TMEM232: variants seen among roughly 807,000 people sequenced by gnomAD.
TMEM232 encodes transmembrane protein 232.
TMEM232 carries 80 observed loss-of-function variants against 78.8 expected under a neutral mutation model. The observed-to-expected ratio is 1.01, with a 90% confidence interval of 0.85 to 1.22. The LOEUF is 1.22. Among genes scored for constraint, TMEM232 ranks in the 50% most tolerant of loss-of-function variants. TMEM232 has a pLI of 0.00. For synonymous variants in TMEM232, 297 were observed against 254.3 expected (o/e 1.17, Z -1.60); for missense variants, 881 against 742.2 (o/e 1.19, Z -2.17).
chr5:110,460,474 T>G (rs180897244), intron 12 of TMEM232, among the ~76,000 whole-genome samples: 1 of 152,244 alleles, frequency 6.6e-6, no homozygotes, highest in Admixed American at 6.5e-5. Flanking sequence ...TCAAAAATAT[T>G]TGCATTAAGA....
In TMEM232 at chr5:110,419,960, AC is replaced by A. The variant is rs1756475244; in HGVS notation, c.*619del. On this transcript the variant is annotated 3_prime_UTR_variant, in exon 14 of 14. Coordinates refer to ENST00000455884, the MANE Select transcript of TMEM232 (RefSeq NM_001039763.4). ...GAATTCATTCTCATAAACTCACAGA[AC>A]AGAGTAAAACCACCATCTCTCAGGA... 6.6e-6 allele frequency: 1 copy of A among 152,146 alleles called. No individual in the cohort carries two copies. The highest frequency in any genetic ancestry group is 1.5e-5 in the Non-Finnish European group (1 of 68,034). The allele number at this position is 152,146 out of a possible 1,614,324, so 9.4% of individuals were successfully genotyped here. A position where few individuals can be genotyped will look rare whatever the true frequency, so the allele number is the denominator to read the frequency against.
At chr5:110,622,805 A>C (rs969053453) in intron 7 of TMEM232, among the ~76,000 whole-genome samples, 1 of 146,268 alleles carries the variant, frequency 6.8e-6, no homozygotes, top group Admixed American at 6.8e-5. Flanking sequence ...GAACACATGG[A>C]CACAGGAAGG....
At chr5:110,612,247 T>G (rs78623245) in intron 8 of TMEM232, among the ~76,000 whole-genome samples, 8,082 of 152,240 alleles carry the variant, frequency 0.053, 345 homozygotes, top group African/African-American at 0.12. Context: ...AAGACTAAAA[T>G]TCATGTCTTC....
upstream of TMEM232, among the ~76,000 whole-genome samples, chr5:110,730,491 T>C (rs1402530426): frequency 1.3e-5 from 2 of 152,208 alleles, no homozygotes; most frequent in Non-Finnish European, 2.9e-5. Context: ...TAGTTTGTTT[T>C]CATGCTGCTG....
chr5:110,729,009 C>T (rs1216294413), upstream of TMEM232, among the ~76,000 whole-genome samples: 3 of 151,864 alleles, frequency 2.0e-5, no homozygotes, highest in East Asian at 1.9e-4. Flanking sequence ...CTCAGCCTCC[C>T]GAGTACCTGG....
At chr5:110,690,116 A>T (rs1448743297) in intron 1 of TMEM232, among the ~76,000 whole-genome samples, 1 of 152,248 alleles carries the variant, frequency 6.6e-6, no homozygotes, top group East Asian at 1.9e-4. Flanking sequence ...CAATGGCAAC[A>T]AAAGCCAAAA....
At chr5:110,713,501 A>G (rs1340024080) in intron 1 of TMEM232, among the ~76,000 whole-genome samples, 1 of 152,160 alleles carries the variant, frequency 6.6e-6, no homozygotes, top group Admixed American at 6.5e-5. Context: ...GTATCAAAAT[A>G]TAATATGTGT....
chr5:110,572,106 C>T (rs1183528442), intron 10 of TMEM232, among the ~76,000 whole-genome samples: 3 of 151,870 alleles, frequency 2.0e-5, no homozygotes, highest in Non-Finnish European at 4.4e-5. Context: ...AGGAGAAGTA[C>T]ATTTTTAAGC....
At chr5:110,574,796 G>C (rs1053833109) in intron 10 of TMEM232, among the ~76,000 whole-genome samples, 5 of 152,080 alleles carry the variant, frequency 3.3e-5, no homozygotes, top group Admixed American at 6.6e-5. Context: ...CCTGGACTCT[G>C]CTCTATGTAC....
intron 12 of TMEM232, among the ~76,000 whole-genome samples, chr5:110,442,597 C>A (rs1209360331): frequency 6.6e-6 from 1 of 152,078 alleles, no homozygotes; most frequent in Non-Finnish European, 1.5e-5. Flanking sequence ...AGGTCACATA[C>A]CTCTGTTTCT....
intron 10 of TMEM232, among the ~76,000 whole-genome samples, chr5:110,594,876 G>A (rs142215945): frequency 3.2e-4 from 48 of 152,340 alleles, no homozygotes; most frequent in African/African-American, 1.1e-3. Context: ...CCTGCTGCCA[G>A]CTCTGAATAG....
Position 110,420,374 on chromosome 5 carries a change from G to A in TMEM232, c.*206C>T, listed in dbSNP as rs952245553. ...TGACTAGTGAAATCACTTCATTCAA[G>A]TGTGATTAAAAGTTGGTCATTAATT... On this transcript the variant is annotated 3_prime_UTR_variant, in exon 14 of 14. Transcript: ENST00000455884. The A allele has an allele frequency of 3.4e-5, 14 of 417,488 alleles. No individual in the cohort carries two copies. Among genetic ancestry groups the A allele is most frequent in the African/African-American group, 6.2e-5 (3 of 48,012 alleles). 25.9% of individuals were successfully genotyped at this position (417,488 alleles called of 1,614,324 possible).
chr5:110,518,093 G>C (rs1308489876), intron 12 of TMEM232, among the ~76,000 whole-genome samples: 1 of 150,442 alleles, frequency 6.6e-6, no homozygotes, highest in Non-Finnish European at 1.5e-5. Context: ...TTCTCCATTT[G>C]CTATTTTTTC....
intron 12 of TMEM232, among the ~76,000 whole-genome samples, chr5:110,510,755 T>A (rs1391712084): frequency 6.6e-6 from 1 of 152,090 alleles, no homozygotes; most frequent in Non-Finnish European, 1.5e-5. Flanking sequence ...TACCATCTCA[T>A]GCCAGTTAGA....
intron 11 of TMEM232, among the ~76,000 whole-genome samples, chr5:110,542,185 C>T (rs1773219810): frequency 1.3e-5 from 2 of 152,128 alleles, no homozygotes; most frequent in Admixed American, 1.3e-4. Flanking sequence ...TAAATGCCCA[C>T]CAACTTTCCT....
chr5:110,525,252 G>C (rs187552948), intron 12 of TMEM232, among the ~76,000 whole-genome samples: 2 of 151,146 alleles, frequency 1.3e-5, no homozygotes, highest in African/African-American at 4.8e-5. Flanking sequence ...AAAGGAAAAG[G>C]GCTAAAGTAT....
At chr5:110,662,233 A>C (rs549977584) in intron 2 of TMEM232, among the ~76,000 whole-genome samples, 9 of 152,296 alleles carry the variant, frequency 5.9e-5, no homozygotes, top group African/African-American at 1.4e-4. Context: ...ATAATTTATA[A>C]ATGGCATGAA....
intron 12 of TMEM232, among the ~76,000 whole-genome samples, chr5:110,426,722 A>G (rs1053567425): frequency 2.6e-5 from 4 of 151,958 alleles, no homozygotes; most frequent in African/African-American, 7.3e-5. Context: ...TAGCCATTCT[A>G]TTAAAGTACT....
intron 10 of TMEM232, among the ~76,000 whole-genome samples, chr5:110,575,434 G>A (rs1014906629): frequency 1.3e-5 from 2 of 151,992 alleles, no homozygotes; most frequent in African/African-American, 4.8e-5. Flanking sequence ...TGAAGACACT[G>A]AGTAGAATTT....
Sources: gnomAD v4.1 joint callset for allele counts (sites outside exome capture counted in the v4.1 genomes callset) on GRCh38, gnomAD v4.1.1 for gene constraint, MANE v1.5 for transcripts, NCBI Gene and HGNC (gene_info 2026-07-23, HGNC 2026-07-21) for gene names.